The following PODXL variants were observed in gnomAD, a reference collection of about 807,000 sequenced individuals.
The protein encoded by PODXL is podocalyxin.
A neutral mutation model predicts 48.9 loss-of-function variants in PODXL; 20 were observed. The observed-to-expected ratio is 0.41, with a 90% confidence interval of 0.29 to 0.59. The LOEUF (loss-of-function observed/expected upper bound fraction) is 0.59. Among genes scored for constraint, PODXL ranks in the 20% least tolerant of loss-of-function variants. The pLI is 0.31. For missense variants in PODXL, 606 were observed against 675.1 expected (o/e 0.90, Z 1.13); for synonymous variants, 295 against 287.4 (o/e 1.03, Z -0.27).
At chr7:131,543,947 C>T (rs1798523257) in intron 1 of PODXL, among the ~76,000 whole-genome samples, 1 of 152,192 alleles carries the variant, frequency 6.6e-6, no homozygotes, top group African/African-American at 2.4e-5. Context: ...GCCACACACA[C>T]CCATCAGTCC....
rs567683335 is a variant in PODXL at position 131,533,526 on chromosome 7, G to A, written c.101-22093C>T. On this transcript the variant is annotated intron_variant, in intron 1 of 8. Transcript: ENST00000378555. The stretch of plus-strand genomic sequence containing the variant: ...CAGGAGAGGGCTGCCACTGTCTAGC[G>A]TGGAGATGTCCCAGCGATGGGGAAG... Among the ~76,000 whole-genome samples, 230 of 152,334 alleles carry A rather than the reference G, an allele frequency of 1.5e-3. 2 individuals are homozygous for A. Among genetic ancestry groups the A allele is most frequent in the Non-Finnish European group, 2.1e-3 (143 of 68,012 alleles).
At chr7:131,536,580 C>G (rs1798377431) in intron 1 of PODXL, among the ~76,000 whole-genome samples, 1 of 152,208 alleles carries the variant, frequency 6.6e-6, no homozygotes, top group Admixed American at 6.5e-5. Context: ...TCCAACACAG[C>G]AGGTTAAGGC....
chr7:131,512,163 G>A (rs564695007), intron 1 of PODXL, among the ~76,000 whole-genome samples: 10 of 152,288 alleles, frequency 6.6e-5, no homozygotes, highest in Non-Finnish European at 1.2e-4. Context: ...AAGAAAGGCC[G>A]AGTGCCCGGA....
intron 7 of PODXL, 37 bp downstream of exon 7, chr7:131,506,223 G>A (rs112116410): frequency 1.1e-4 from 178 of 1,608,568 alleles, no homozygotes; most frequent in East Asian, 5.4e-4. Flanking sequence ...AAGGGGCTTC[G>A]GAGCCACTCT....
At chr7:131,506,866 C>A (rs1335634679) in intron 5 of PODXL, 140 bp from the exon 6 acceptor site, 10 of 817,350 alleles carry the variant, frequency 1.2e-5, no homozygotes, top group Non-Finnish European at 2.0e-5. Flanking sequence ...AGCTGGTGCT[C>A]CACGCAGGCC....
intron 1 of PODXL, among the ~76,000 whole-genome samples, chr7:131,528,672 A>C (rs1798225672): frequency 6.6e-6 from 1 of 152,198 alleles, no homozygotes; most frequent in Non-Finnish European, 1.5e-5. Flanking sequence ...ATTTAAAGTT[A>C]ATGCAATCGG....
chr7:131,507,691 C>CA (rs3839671), intron 5 of PODXL, among the ~76,000 whole-genome samples: 90,875 of 150,176 alleles, frequency 0.61, 27,650 homozygotes, highest in Admixed American at 0.64. Context: ...AAGTGTCTCA[C>CA]AACAATCACA....
At chr7:131,506,935 C>T (rs779252414) in intron 5 of PODXL, 39 of 592,998 alleles carry the variant, frequency 6.6e-5, no homozygotes, top group Non-Finnish European at 9.6e-5. Flanking sequence ...TCCTCTGTCT[C>T]GTTCCCATCA....
chr7:131,509,761 C>T (rs1033269606), intron 3 of PODXL, among the ~76,000 whole-genome samples, 176 bp from the exon 4 acceptor site: 2 of 152,022 alleles, frequency 1.3e-5, no homozygotes, highest in African/African-American at 2.4e-5. Flanking sequence ...TCACAGCAGC[C>T]GCAGCAAACG....
At chr7:131,507,039 ATTGGGGG>A in intron 5 of PODXL, 1 of 301,554 alleles carries the variant, frequency 3.3e-6, no homozygotes, top group Middle Eastern at 1.0e-3. Flanking sequence ...CTGTTTGCGG[ATTGGGGG>A]TTGTTTTCAT....
At position 131,502,205 on chromosome 7, in the gene PODXL, CCTA is replaced by C. The variant is rs1306345556; in HGVS notation, c.*2103_*2105del. 1 of 152,180 alleles carries C rather than the reference CCTA, an allele frequency of 6.6e-6. No homozygotes were observed. The highest frequency in any genetic ancestry group is 1.9e-4 in the East Asian group (1 of 5,194). The allele number at this position is 152,180 out of a possible 1,614,324, so 9.4% of individuals were successfully genotyped here. A position where few individuals can be genotyped will look rare whatever the true frequency, so the allele number is the denominator to read the frequency against. ...TCTCCCACGGGACCACAACAGAAAA[CCTA>C]CTGGGTGGAGAGAACCCAGCGCTGG... On this transcript the variant is annotated 3_prime_UTR_variant, in exon 9 of 9. Coordinates refer to ENST00000378555, the MANE Select transcript of PODXL (RefSeq NM_001018111.3).
intron 1 of PODXL, among the ~76,000 whole-genome samples, chr7:131,544,150 C>G (rs1420398122): frequency 6.6e-6 from 1 of 152,200 alleles, no homozygotes; most frequent in Non-Finnish European, 1.5e-5. Context: ...CTCCTCAGCT[C>G]AACACCCAAC....
intron 1 of PODXL, among the ~76,000 whole-genome samples, chr7:131,548,635 G>T (rs976476589): frequency 2.6e-5 from 4 of 152,352 alleles, no homozygotes; most frequent in East Asian, 1.9e-4. Flanking sequence ...TCTATGATAT[G>T]AGAGAGATAT....
intron 1 of PODXL, among the ~76,000 whole-genome samples, chr7:131,530,699 AG>A (rs1399106169): frequency 6.7e-6 from 1 of 149,200 alleles, no homozygotes; most frequent in Admixed American, 6.7e-5. Flanking sequence ...TTGAGGCTGC[AG>A]TGAGCTATGA....
chr7:131,504,490 G>C lies in PODXL; in HGVS notation c.1498C>G (p.Leu500Val), dbSNP rs1797766944. The change falls in exon 9 of 9, where the codon CTG becomes GTG. Residue 500 changes from leucine to valine, a missense_variant. Coordinates refer to ENST00000378555, the MANE Select transcript of PODXL (RefSeq NM_001018111.3). ...TGGTAACCATTCTCCACTGTCTGCA[G>C]CTCCTCTGTTAGCCGCTGCTAGAGT... Reference protein sequence around the residue: ...RKDQQRLTEELQTVENGYHDN... With the variant: ...RKDQQRLTEEVQTVENGYHDN... The C allele has an allele frequency of 6.2e-7, 1 of 1,614,054 alleles. No individual in the cohort carries two copies. Among genetic ancestry groups the C allele is most frequent in the African/African-American group, 1.3e-5 (1 of 74,936 alleles).
chr7:131,524,367 CACACACACACACAGAGAG>C (rs1798140667), intron 1 of PODXL, among the ~76,000 whole-genome samples: 2 of 32,766 alleles, frequency 6.1e-5, no homozygotes, highest in South Asian at 2.6e-3. Flanking sequence ...CACACGCACA[CACACACACACACAGAGAG>C]AGAGAGAGAG....
chr7:131,510,386 C>T (rs1326458670), intron 2 of PODXL, 55 bp from the exon 3 acceptor site: 3 of 288,748 alleles, frequency 1.0e-5, no homozygotes, highest in Admixed American at 4.9e-5. Context: ...TGGTGCACAC[C>T]TGTAGTCCCA....
Position 131,556,335 on chromosome 7 carries a change from C to A in PODXL, c.25G>T (p.Ala9Ser). The A allele has an allele frequency of 6.8e-7, 1 of 1,473,524 alleles. No homozygotes were observed. Among genetic ancestry groups the A allele is most frequent in the Non-Finnish European group, 9.0e-7 (1 of 1,114,012 alleles). 91.3% of individuals were successfully genotyped at this position (1,473,524 alleles called of 1,614,324 possible). Residue 9 changes from alanine (A) to serine (S), a missense_variant, in exon 1 of 9, where the codon GCG (alanine) becomes TCG (serine). Transcript: ENST00000378555. MRCALALS[A>S]LLLLLSTPPL... ...GGCGTTGACAACAGTAGCAGCAGCG[C>A]CGAGAGCGCCAGCGCGCAGCGCATC...
In PODXL at chr7:131,502,740, C is replaced by T. The variant is rs1490841037; in HGVS notation, c.*1571G>A. ...AACATTCCACACAGGATTCCCCCTT[C>T]TCAATCAGATGAAACCTCACCATGC... On this transcript the variant is annotated 3_prime_UTR_variant, in exon 9 of 9. Coordinates refer to ENST00000378555, the MANE Select transcript of PODXL (RefSeq NM_001018111.3). 6.5e-6 allele frequency: 1 copy of T among 152,684 alleles called. No individual in the cohort carries two copies. Among genetic ancestry groups the T allele is most frequent in the East Asian group, 1.9e-4 (1 of 5,198 alleles). The allele number at this position is 152,684 out of a possible 1,614,324, so 9.5% of individuals were successfully genotyped here.
Sources: gnomAD v4.1 joint callset for allele counts (sites outside exome capture counted in the v4.1 genomes callset) on GRCh38, gnomAD v4.1.1 for gene constraint, MANE v1.5 for transcripts, NCBI Gene and HGNC (gene_info 2026-07-23, HGNC 2026-07-21) for gene names.